GABBR2: variants seen among roughly 807,000 people sequenced by gnomAD.
The protein encoded by GABBR2 is gamma-aminobutyric acid type B receptor subunit 2, also known as G-protein coupled receptor 51.
A neutral mutation model predicts 105.6 loss-of-function variants in GABBR2; 23 were observed. The observed-to-expected ratio is 0.22, with a 90% CI of 0.16 to 0.31. The LOEUF (loss-of-function observed/expected upper bound fraction) is 0.31, where lower values mean the gene tolerates loss of function less well. Ranked by LOEUF, GABBR2 falls within the 10% of genes least tolerant of loss-of-function variation. The pLI, the probability that GABBR2 is intolerant of heterozygous loss-of-function variation, is 1.00. For missense variants in GABBR2, 734 were observed against 1,245.5 expected, an observed-to-expected ratio of 0.59 and a Z score of 6.18; for synonymous variants, 478 against 499.7, an observed-to-expected ratio of 0.96 and a Z score of 0.58.
chr9:98,306,895 C>T lies in GABBR2; in HGVS notation c.2005-550G>A, dbSNP rs1466377158. 6.6e-6 allele frequency among the ~76,000 whole-genome samples: 1 copy of T among 152,198 alleles called. No individual in the cohort carries two copies. Among genetic ancestry groups the T allele is most frequent in the Non-Finnish European group, 1.5e-5 (1 of 68,024 alleles). On this transcript the variant is annotated intron_variant, in intron 14 of 18. Coordinates refer to ENST00000259455, the MANE Select transcript of GABBR2 (RefSeq NM_005458.8). The surrounding 1 kb of genome is among the most constrained non-coding windows in gnomAD (Gnocchi z 5.4). ...CCTAGAGGCTAGGCGTGGCATATTG[C>T]TAGCTTCTGGACAATGCCTGTAAAT...
chr9:98,385,752 G>A lies in GABBR2; in HGVS notation c.1550C>T (p.Pro517Leu). ...AAGGATGATAAGGTTGTTCATGTAT[G>A]GACTCGACATCTTTATGAGCCTGAC... ...RNQKLIKMSSPYMNNLIILGG... is the reference protein window; with the variant it reads ...RNQKLIKMSSLYMNNLIILGG... Residue 517 changes from proline (P) to leucine (L), a missense_variant, in exon 11 of 19, where the codon CCA becomes CTA. By Grantham distance (98) the Pro-to-Leu change is moderately conservative (BLOSUM62 -3). Around this residue, in one of 7 missense-constraint regions of GABBR2, gnomAD observed 370 missense variants for 648.9 expected, o/e 0.57. Transcript: ENST00000259455. The A allele has an allele frequency of 6.2e-7, 1 of 1,609,814 alleles. No individual in the cohort carries two copies.
intron 1 of GABBR2, among the ~76,000 whole-genome samples, chr9:98,604,789 A>C (rs1020493197): frequency 1.3e-5 from 2 of 152,158 alleles, no homozygotes; most frequent in Non-Finnish European, 2.9e-5. Flanking sequence ...ACATTATCAC[A>C]CCCACTTTAC....
intron 7 of GABBR2, among the ~76,000 whole-genome samples, chr9:98,452,302 A>G (rs1299918244): frequency 6.6e-6 from 1 of 152,232 alleles, no homozygotes; most frequent in Non-Finnish European, 1.5e-5. Context: ...AGAACACAGG[A>G]CAGCACTTTA....
intron 8 of GABBR2, among the ~76,000 whole-genome samples, chr9:98,400,914 G>GGA (rs1564052624): frequency 6.6e-6 from 1 of 151,882 alleles, no homozygotes; most frequent in African/African-American, 2.4e-5. Context: ...AAATAAGGGG[G>GGA]ATAAATGGAC....
intron 8 of GABBR2, among the ~76,000 whole-genome samples, chr9:98,399,237 T>C (rs1832346757): frequency 6.6e-6 from 1 of 151,782 alleles, no homozygotes; most frequent in Non-Finnish European, 1.5e-5. Context: ...GCCTGTAATC[T>C]TGGCTATTTG....
intron 12 of GABBR2, among the ~76,000 whole-genome samples, chr9:98,364,679 C>T (rs961226140): frequency 3.3e-5 from 5 of 150,250 alleles, no homozygotes; most frequent in Admixed American, 1.3e-4. Context: ...TCACTGCAGC[C>T]TCCACTTCCT....
chr9:98,686,836 C>T (rs1830627035), intron 1 of GABBR2, among the ~76,000 whole-genome samples: 1 of 152,152 alleles, frequency 6.6e-6, no homozygotes, highest in South Asian at 2.1e-4. Context: ...TGCTTCCTCC[C>T]TGTCACCCCC....
intron 1 of GABBR2, among the ~76,000 whole-genome samples, chr9:98,704,952 CAAA>C (rs10586853): frequency 3.9e-4 from 55 of 139,694 alleles, no homozygotes; most frequent in South Asian, 9.1e-4. Flanking sequence ...CCAACTCTTT[CAAA>C]AAAAAAAAAA....
At position 98,642,544 on chromosome 9, in the gene GABBR2, C is replaced by T. The variant is rs540405250; in HGVS notation, c.322-64472G>A. The stretch of plus-strand genomic sequence containing the variant: ...CAAGCTCCTCTGAGGTCTGGTCTAA[C>T]CTAGCTTTCTTTCTCATCTCCCACC... On this transcript the variant is annotated intron_variant, in intron 1 of 18. Transcript: ENST00000259455. Among the ~76,000 whole-genome samples, 5 of 152,346 alleles carry T rather than the reference C, an allele frequency of 3.3e-5. No homozygotes were observed. The South Asian group carries it at 8.3e-4, about 25-fold the overall frequency.
chr9:98,363,381 A>G (rs1831622031), intron 12 of GABBR2, among the ~76,000 whole-genome samples: 2 of 152,208 alleles, frequency 1.3e-5, no homozygotes. Context: ...ATGGTTTCAG[A>G]GGCAGTGTCT....
chr9:98,384,031 G>A (rs1832027558), intron 11 of GABBR2, among the ~76,000 whole-genome samples: 1 of 152,206 alleles, frequency 6.6e-6, no homozygotes, highest in African/African-American at 2.4e-5. Flanking sequence ...AGGGCCCACA[G>A]TGCTCTCAAC....
At chr9:98,439,957 G>T (rs1326603659) in intron 7 of GABBR2, among the ~76,000 whole-genome samples, 2 of 152,130 alleles carry the variant, frequency 1.3e-5, no homozygotes, top group Admixed American at 1.3e-4. Flanking sequence ...CAGTATTTTG[G>T]CCTCTTTAGG....
intron 1 of GABBR2, among the ~76,000 whole-genome samples, chr9:98,651,419 C>T (rs2131846048): frequency 6.6e-6 from 1 of 152,140 alleles, no homozygotes; most frequent in African/African-American, 2.4e-5. Flanking sequence ...AGCCACTGTG[C>T]CCAGCTTATC....
At chr9:98,334,488 T>C (rs543890563) in intron 13 of GABBR2, among the ~76,000 whole-genome samples, 1 of 152,342 alleles carries the variant, frequency 6.6e-6, no homozygotes, top group South Asian at 2.1e-4. Context: ...GATGAATCTC[T>C]AAAATGGGGA....
At position 98,513,898 on chromosome 9, in the gene GABBR2, T is replaced by C. The variant is rs375454722; in HGVS notation, c.631-17384A>G. ...GAAATACCATTTGACCCAGCCATCC[T>C]ATTACTGGGTATATACCCACAGGAC... is the stretch of plus-strand genomic sequence containing the variant. On this transcript the variant is annotated intron_variant, in intron 3 of 18. Coordinates refer to ENST00000259455, the MANE Select transcript of GABBR2 (RefSeq NM_005458.8). Among the ~76,000 whole-genome samples, 17 of 152,304 alleles carry C rather than the reference T, an allele frequency of 1.1e-4. No homozygotes were observed. The East Asian group carries it at 1.9e-3, about 17-fold the overall frequency.
At chr9:98,407,082 T>C (rs958976085) in intron 7 of GABBR2, among the ~76,000 whole-genome samples, 3 of 152,250 alleles carry the variant, frequency 2.0e-5, no homozygotes, top group African/African-American at 7.2e-5. Flanking sequence ...ATGTCCATGC[T>C]ACTTCACTGT....
intron 4 of GABBR2, among the ~76,000 whole-genome samples, chr9:98,494,216 T>C (rs1417824532): frequency 1.3e-5 from 2 of 152,210 alleles, no homozygotes; most frequent in Admixed American, 6.5e-5. Context: ...TAGTTTGTGA[T>C]ACTTTGTCGC....
At chr9:98,354,812 A>G (rs1831458022) in intron 13 of GABBR2, among the ~76,000 whole-genome samples, 1 of 152,174 alleles carries the variant, frequency 6.6e-6, no homozygotes, top group Non-Finnish European at 1.5e-5. Flanking sequence ...CTTATCATTC[A>G]TGTGTTCACT....
intron 2 of GABBR2, among the ~76,000 whole-genome samples, chr9:98,556,776 T>A (rs1428924800): frequency 3.9e-5 from 6 of 152,170 alleles, no homozygotes; most frequent in African/African-American, 1.4e-4. Context: ...CCGGGTGCGG[T>A]GGCTGACGCC....
Sources: allele counts gnomAD v4.1 joint callset (sites outside exome capture counted in the v4.1 genomes callset), GRCh38; gene constraint gnomAD v4.1.1; regional missense constraint gnomAD v4.1.1; non-coding constraint Gnocchi (gnomAD v3.1); transcripts MANE v1.5; gene names NCBI Gene and HGNC (gene_info 2026-07-23, HGNC 2026-07-21).